Variants in RARB observed in about 807,000 individuals in gnomAD.
RARB encodes the protein HBV-activated protein.
Under a neutral mutation model 51.9 loss-of-function variants are expected in RARB, and 17 were observed. The ratio of observed to expected loss-of-function variants is 0.33; its 90% confidence interval spans 0.22 to 0.49. RARB has a LOEUF of 0.49. Among genes scored for constraint, RARB ranks in the 20% least tolerant of loss-of-function variants. The pLI, the probability that RARB is intolerant of heterozygous loss-of-function variation, is 0.99. For missense variants in RARB, 369 were observed against 550.8 expected (o/e 0.67, Z 3.30); for synonymous variants, 215 against 195.4 (o/e 1.10, Z -0.84).
intron 3 of RARB, among the ~76,000 whole-genome samples, chr3:25,507,407 A>T (rs890202284): frequency 6.6e-5 from 10 of 152,148 alleles, no homozygotes; most frequent in Admixed American, 1.3e-4. Flanking sequence ...AAGTTACTCA[A>T]CTTCTTGGAG....
intron 5 of RARB, among the ~76,000 whole-genome samples, chr3:25,181,936 A>G (rs1700869882): frequency 6.6e-6 from 1 of 152,208 alleles, no homozygotes; most frequent in South Asian, 2.1e-4. Flanking sequence ...AATTCTGCAT[A>G]GAGGGGCAAG....
At chr3:25,587,519 T>A (rs1461536070) in intron 5 of RARB, among the ~76,000 whole-genome samples, 1 of 152,250 alleles carries the variant, frequency 6.6e-6, no homozygotes, top group Non-Finnish European at 1.5e-5. Context: ...TCTATTTCTC[T>A]TAACATTGCA....
chr3:25,301,450 C>G (rs916048665), intron 5 of RARB, among the ~76,000 whole-genome samples: 2 of 94,460 alleles, frequency 2.1e-5, no homozygotes, highest in African/African-American at 3.4e-5. Context: ...GTGATATAAC[C>G]ATGGCTACCT....
rs1491372969 is a variant in RARB, at chr3:25,456,682, T to TATATATATATAG, written c.158-4510_158-4509insTATATATATAGA. Among the ~76,000 whole-genome samples, 15 of 88,362 alleles carry TATATATATATAG rather than the reference T, an allele frequency of 1.7e-4. No homozygotes were observed. In the East Asian group the frequency reaches 4.8e-3, roughly 28 times the overall value. 58.0% of individuals were successfully genotyped at this position (88,362 alleles called of 152,430 possible). A position where few individuals can be genotyped will look rare whatever the true frequency, so the allele number is the denominator to read the frequency against. On this transcript the variant is annotated intron_variant, in intron 1 of 7. Coordinates refer to ENST00000330688, the MANE Select transcript of RARB (RefSeq NM_000965.5). ...TTGAATATATATATATATATATATA[T>TATATATATATAG]AGAGAGAGAGAGAGAGAGAGAGAGA...
intron 2 of RARB, among the ~76,000 whole-genome samples, chr3:24,882,129 A>T (rs1351380142): frequency 1.3e-5 from 2 of 152,232 alleles, no homozygotes; most frequent in Non-Finnish European, 2.9e-5. Context: ...GACAGGCAAG[A>T]CTTAGGAGAT....
chr3:24,905,990 G>T (rs1459072796), intron 2 of RARB, among the ~76,000 whole-genome samples: 1 of 152,202 alleles, frequency 6.6e-6, no homozygotes, highest in Non-Finnish European at 1.5e-5. Flanking sequence ...TTTCTAGTCT[G>T]TTATGCACAA....
rs748559000 is a variant in RARB, at chr3:25,157,350, T to TTGTGTGTGTGTGTG, written c.-279-16751_-279-16738dup. On this transcript the variant is annotated intron_variant, in intron 4 of 11. Transcript: ENST00000383772. ...GAGGCACAGTTCTGAGTGTGTGTGT[T>TTGTGTGTGTGTGTG]TGTGTGTGTGTGTGTGTGTGTGTGT... 2.3e-3 allele frequency among the ~76,000 whole-genome samples: 330 copies of TTGTGTGTGTGTGTG among 145,074 alleles called. 2 individuals carry two copies. Among genetic ancestry groups the TTGTGTGTGTGTGTG allele is most frequent in the South Asian group, 5.0e-3 (22 of 4,412 alleles).
intron 3 of RARB, among the ~76,000 whole-genome samples, chr3:25,083,160 A>G (rs1342198535): frequency 1.3e-5 from 2 of 151,558 alleles, no homozygotes; most frequent in South Asian, 2.1e-4. Flanking sequence ...ATTGGGATTC[A>G]TTCAGATCCT....
intron 2 of RARB, among the ~76,000 whole-genome samples, chr3:24,988,243 T>C (rs1414762216): frequency 6.6e-6 from 1 of 152,210 alleles, no homozygotes; most frequent in East Asian, 1.9e-4. Flanking sequence ...CCATTTGGGA[T>C]AATTGAACTT....
At chr3:25,069,382 C>A (rs984236639) in intron 3 of RARB, among the ~76,000 whole-genome samples, 1 of 152,156 alleles carries the variant, frequency 6.6e-6, no homozygotes, top group African/African-American at 2.4e-5. Context: ...AGAAAGTAAA[C>A]CTTCTCTAAG....
Position 25,103,930 on chromosome 3 carries a change from G to A in RARB, c.-327-28231G>A, listed in dbSNP as rs75806889. On this transcript the variant is annotated intron_variant, in intron 3 of 11. Transcript: ENST00000383772. ...TTGGAAGAGATTGTGTGATTATTGT[G>A]TTGGGAAGGATTCTGAAGCTGAATC... Among the ~76,000 whole-genome samples the A allele has an allele frequency of 1.3e-3, 196 of 152,248 alleles. 2 individuals are homozygous for A. Among genetic ancestry groups the A allele is most frequent in the South Asian group, 5.0e-3 (24 of 4,824 alleles).
intron 5 of RARB, among the ~76,000 whole-genome samples, chr3:25,272,107 C>T (rs1040580362): frequency 4.6e-5 from 7 of 152,134 alleles, no homozygotes; most frequent in African/African-American, 1.7e-4. Context: ...CTAGTGGTAA[C>T]CATATTAGAA....
chr3:25,230,520 C>T (rs1702151839), intron 5 of RARB, among the ~76,000 whole-genome samples: 2 of 151,722 alleles, frequency 1.3e-5, no homozygotes, highest in South Asian at 4.2e-4. Flanking sequence ...TTAAATTACC[C>T]CAGGTAGGTT....
chr3:25,038,985 C>T (rs929583915), intron 2 of RARB, among the ~76,000 whole-genome samples: 5 of 152,176 alleles, frequency 3.3e-5, no homozygotes, highest in East Asian at 1.9e-4. Flanking sequence ...GACCTATAGA[C>T]AGAGGAGCAG....
intron 2 of RARB, among the ~76,000 whole-genome samples, chr3:25,496,879 T>TTTTG (rs1236463891): frequency 3.3e-5 from 5 of 152,128 alleles, no homozygotes; most frequent in African/African-American, 9.7e-5. Context: ...GGTGTTGTTT[T>TTTTG]TTTGTTTGTT....
intron 5 of RARB, among the ~76,000 whole-genome samples, chr3:25,181,946 G>A (rs773249441): frequency 7.2e-5 from 11 of 152,082 alleles, no homozygotes; most frequent in South Asian, 2.1e-4. Context: ...AGAGGGGCAA[G>A]CATCTTACCA....
intron 3 of RARB, among the ~76,000 whole-genome samples, chr3:25,111,591 T>G (rs1276403860): frequency 6.7e-6 from 1 of 149,908 alleles, no homozygotes; most frequent in Non-Finnish European, 1.5e-5. Flanking sequence ...TGGTTTTTTT[T>G]TTTTTTTTTT....
chr3:25,412,280 A>G (rs554938046), intron 5 of RARB, among the ~76,000 whole-genome samples: 1 of 152,336 alleles, frequency 6.6e-6, no homozygotes, highest in Admixed American at 6.5e-5. Context: ...AAAGATAAAA[A>G]TTACATCTTA....
chr3:25,175,587 T>C (rs916198694), intron 5 of RARB, among the ~76,000 whole-genome samples: 1 of 152,166 alleles, frequency 6.6e-6, no homozygotes, highest in African/African-American at 2.4e-5. Context: ...TCTACCTAAG[T>C]AGAATCCCCG....
Sources: gnomAD v4.1 joint callset for allele counts (sites outside exome capture counted in the v4.1 genomes callset) on GRCh38, gnomAD v4.1.1 for gene constraint, MANE v1.5 for transcripts, NCBI Gene and HGNC (gene_info 2026-07-23, HGNC 2026-07-21) for gene names.